Variants in NAA11 observed in about 807,000 individuals in gnomAD.
NAA11 encodes N-alpha-acetyltransferase 11, NatA catalytic subunit.
A neutral mutation model predicts 16.1 loss-of-function variants in NAA11; 15 were observed. That is an observed-to-expected ratio of 0.93 (90% CI 0.62 to 1.44). NAA11 has a LOEUF of 1.44. Among genes scored for constraint, NAA11 ranks in the 40% most tolerant of loss-of-function variants. NAA11 has a pLI of 0.00. For synonymous variants in NAA11, 122 were observed against 112.4 expected (o/e 1.09, Z -0.54); for missense variants, 298 against 291.3 (o/e 1.02, Z -0.17).
At chr4:79,291,842 A>G (rs1416542150) in intron 2 of NAA11, among the ~76,000 whole-genome samples, 2 of 152,220 alleles carry the variant, frequency 1.3e-5, no homozygotes, top group Non-Finnish European at 2.9e-5. Flanking sequence ...TAGACTTCCA[A>G]TAGGACATAG....
At chr4:79,251,484 G>A (rs1292411590) in intron 2 of NAA11, among the ~76,000 whole-genome samples, 1 of 152,124 alleles carries the variant, frequency 6.6e-6, no homozygotes, top group African/African-American at 2.4e-5. Context: ...GAGAGTGGAG[G>A]TTGAGAGGAG....
chr4:79,223,531 A>T (rs1470921075), downstream of NAA11, among the ~76,000 whole-genome samples: 2 of 149,284 alleles, frequency 1.3e-5, no homozygotes, highest in African/African-American at 4.9e-5. Flanking sequence ...GCACCAGGAG[A>T]TATACCTAAT....
the NAA11 span, among the ~76,000 whole-genome samples, chr4:79,187,635 G>T: frequency 6.6e-6 from 1 of 152,098 alleles, no homozygotes; most frequent in Non-Finnish European, 1.5e-5. Flanking sequence ...TTTAAGATGT[G>T]TTTATTTCTC....
chr4:79,176,047 A>T, the NAA11 span, among the ~76,000 whole-genome samples: 5 of 152,158 alleles, frequency 3.3e-5, no homozygotes, highest in Non-Finnish European at 7.4e-5. Flanking sequence ...TTCAGAAATC[A>T]TCTGTCTTTT....
At chr4:79,276,842 G>A (rs922469544) in intron 2 of NAA11, among the ~76,000 whole-genome samples, 2 of 152,104 alleles carry the variant, frequency 1.3e-5, no homozygotes, top group Non-Finnish European at 2.9e-5. Context: ...TTTAAAGCCC[G>A]AAATCAAATA....
At chr4:79,179,661 G>A in the NAA11 span, among the ~76,000 whole-genome samples, 4 of 152,108 alleles carry the variant, frequency 2.6e-5, no homozygotes, top group Non-Finnish European at 5.9e-5. Flanking sequence ...GCTTCCCAAG[G>A]AAGTATAAGG....
chr4:79,277,731 T>C (rs991332920), intron 2 of NAA11, among the ~76,000 whole-genome samples: 5 of 151,968 alleles, frequency 3.3e-5, no homozygotes, highest in Non-Finnish European at 5.9e-5. Flanking sequence ...CCCGTCATTC[T>C]CTTTAAATTA....
At chr4:79,245,507 T>C (rs1237783220) in intron 2 of NAA11, 1 of 128,128 alleles carries the variant, frequency 7.8e-6, no homozygotes, top group Non-Finnish European at 1.6e-5. Context: ...CGTCTCTACC[T>C]GGCCGCCACC....
downstream of NAA11, among the ~76,000 whole-genome samples, chr4:79,314,434 G>A (rs1284338160): frequency 6.6e-6 from 1 of 151,958 alleles, no homozygotes; most frequent in East Asian, 1.9e-4. Flanking sequence ...CAATCACCTG[G>A]AGGGTTGTTA....
At chr4:79,289,002 T>A (rs1256389195) in intron 2 of NAA11, among the ~76,000 whole-genome samples, 1 of 152,226 alleles carries the variant, frequency 6.6e-6, no homozygotes, top group East Asian at 1.9e-4. Flanking sequence ...TCCACTGGTA[T>A]GATGTATCAT....
chr4:79,175,581 G>A, the NAA11 span, among the ~76,000 whole-genome samples: 152 of 151,998 alleles, frequency 1.0e-3, no homozygotes, highest in African/African-American at 3.6e-3. Context: ...ATAACAGGCT[G>A]TTCCTATCCT....
intron 2 of NAA11, among the ~76,000 whole-genome samples, chr4:79,256,369 A>G (rs1203345453): frequency 6.6e-6 from 1 of 151,932 alleles, no homozygotes; most frequent in East Asian, 1.9e-4. Flanking sequence ...TGCAGTTATA[A>G]CTTTGAGTAT....
chr4:79,170,800 A>T, the NAA11 span, among the ~76,000 whole-genome samples: 54 of 151,690 alleles, frequency 3.6e-4, no homozygotes, highest in African/African-American at 1.2e-3. Context: ...AAGTTTTTTT[A>T]AAAAAAGTAA....
intron 1 of NAA11, among the ~76,000 whole-genome samples, chr4:79,311,560 TAG>T (rs1723769953): frequency 6.6e-6 from 1 of 152,232 alleles, no homozygotes; most frequent in South Asian, 2.1e-4. Flanking sequence ...GCCAAGGATT[TAG>T]TTTTGATAGG....
the NAA11 span, among the ~76,000 whole-genome samples, chr4:79,164,496 A>G: frequency 6.6e-6 from 1 of 152,102 alleles, no homozygotes; most frequent in Non-Finnish European, 1.5e-5. Flanking sequence ...CCCTTATCAC[A>G]CAGAAAATAC....
downstream of NAA11, among the ~76,000 whole-genome samples, chr4:79,221,112 G>A (rs367598328): frequency 6.6e-5 from 10 of 151,758 alleles, no homozygotes; most frequent in African/African-American, 9.7e-5. Context: ...TTGGATTCCT[G>A]GGTATTTTAT....
chr4:79,181,074 G>T, the NAA11 span, among the ~76,000 whole-genome samples: 1 of 151,846 alleles, frequency 6.6e-6, no homozygotes, highest in South Asian at 2.1e-4. Flanking sequence ...ACACCGGGGC[G>T]TGTTGTAGGG....
At chr4:79,221,691 A>G (rs1490377893), downstream of NAA11, among the ~76,000 whole-genome samples, 2 of 118,028 alleles carry the variant, frequency 1.7e-5, no homozygotes, top group African/African-American at 5.4e-5. Flanking sequence ...TGATTTGCGA[A>G]TATTGAACCA....
At chr4:79,220,218 T>TA in the NAA11 span, among the ~76,000 whole-genome samples, 9 of 152,254 alleles carry the variant, frequency 5.9e-5, no homozygotes, top group African/African-American at 2.2e-4. Context: ...TCAGCCTCCC[T>TA]AGTAGCCAAG....
Sources: gnomAD v4.1 joint callset for allele counts (sites outside exome capture counted in the v4.1 genomes callset) on GRCh38, gnomAD v4.1.1 for gene constraint, MANE v1.5 for transcripts, NCBI Gene and HGNC (gene_info 2026-07-23, HGNC 2026-07-21) for gene names.